The following ETV6 variants were observed in gnomAD, a reference collection of about 807,000 sequenced individuals.
ETV6 encodes the protein ETS variant transcription factor 6, also known as transcription factor ETV6.
ETV6 carries 16 observed loss-of-function variants against 51.1 expected under a neutral mutation model. That is an observed-to-expected ratio of 0.31 (90% CI 0.21 to 0.48). ETV6 has a LOEUF of 0.48. Among genes scored for constraint, ETV6 ranks in the 20% least tolerant of loss-of-function variants. ETV6 has a pLI of 0.99. For missense variants in ETV6, 458 were observed against 594.8 expected (o/e 0.77, Z 2.39); for synonymous variants, 240 against 224.1 (o/e 1.07, Z -0.64).
chr12:11,881,634 C>A lies in ETV6; in HGVS notation c.1010-2811C>A, dbSNP rs547053338. ...TAATCCCACTCACAGGGGTGGGGCC[C>A]CCAAGACCTAATCACCTCCCAAAGG... On this transcript the variant is annotated intron_variant, in intron 5 of 7. Transcript: ENST00000396373. Among the ~76,000 whole-genome samples the A allele has an allele frequency of 3.9e-4, 60 of 152,248 alleles. 1 individual carries two copies. The highest frequency in any genetic ancestry group is 1.4e-3 in the African/African-American group (57 of 41,536).
intron 1 of ETV6, among the ~76,000 whole-genome samples, chr12:11,692,996 C>T (rs1033832125): frequency 2.0e-5 from 3 of 152,170 alleles, no homozygotes; most frequent in African/African-American, 7.2e-5. Context: ...GCTGTGATTG[C>T]ACCACTGCAC....
intron 1 of ETV6, among the ~76,000 whole-genome samples, chr12:11,715,636 G>T (rs762717): frequency 0.45 from 68,801 of 152,170 alleles, 19,158 homozygotes; most frequent in Middle Eastern, 0.63. Context: ...CCCTGATGCT[G>T]CTGAGGAAGA....
chr12:11,838,033 C>T (rs1036943414), intron 2 of ETV6, among the ~76,000 whole-genome samples: 1 of 152,008 alleles, frequency 6.6e-6, no homozygotes, highest in Non-Finnish European at 1.5e-5. Context: ...TTTCCCAAAC[C>T]AAAAATAATT....
At chr12:11,821,159 C>T (rs1390521994) in intron 2 of ETV6, among the ~76,000 whole-genome samples, 2 of 150,952 alleles carry the variant, frequency 1.3e-5, no homozygotes, top group Admixed American at 1.3e-4. Flanking sequence ...TCAGGAGATC[C>T]AGACCATCCT....
chr12:11,702,733 C>T (rs1865007811), intron 1 of ETV6, among the ~76,000 whole-genome samples: 1 of 152,116 alleles, frequency 6.6e-6, no homozygotes, highest in African/African-American at 2.4e-5. Context: ...AAGACATAGT[C>T]GTTGTTCATA....
At chr12:11,751,427 T>TTAAA (rs762173554) in intron 1 of ETV6, 5 of 518,936 alleles carry the variant, frequency 9.6e-6, no homozygotes, top group African/African-American at 9.6e-5. Flanking sequence ...CATTGCCCAG[T>TTAAA]TAAACCACAG....
intron 1 of ETV6, among the ~76,000 whole-genome samples, chr12:11,749,242 T>A (rs1176051259): frequency 2.0e-5 from 3 of 150,950 alleles, no homozygotes; most frequent in African/African-American, 7.3e-5. Context: ...TTAATTTAAT[T>A]AGAGCAGCGG....
At chr12:11,846,421 G>A (rs1280693980) in intron 3 of ETV6, among the ~76,000 whole-genome samples, 2 of 152,182 alleles carry the variant, frequency 1.3e-5, no homozygotes, top group East Asian at 1.9e-4. Context: ...TGCTAAACTT[G>A]AGAAGTTAAA....
intron 2 of ETV6, among the ~76,000 whole-genome samples, chr12:11,765,542 T>C (rs1482286362): frequency 6.6e-6 from 1 of 152,142 alleles, no homozygotes; most frequent in African/African-American, 2.4e-5. Context: ...TAATGCCTCT[T>C]TGCTAAGAAG....
chr12:11,847,454 C>G (rs554730966), intron 3 of ETV6, among the ~76,000 whole-genome samples: 2 of 152,066 alleles, frequency 1.3e-5, no homozygotes, highest in East Asian at 1.9e-4. Flanking sequence ...TGAGGTTGCC[C>G]AAGAAGAAGG....
chr12:11,666,794 G>T (rs1183323062), intron 1 of ETV6, among the ~76,000 whole-genome samples: 3 of 152,318 alleles, frequency 2.0e-5, no homozygotes, highest in South Asian at 4.1e-4. Context: ...TTTCCTGACC[G>T]CCTGCTGGGG....
chr12:11,878,268 G>A (rs1468282938), intron 5 of ETV6, among the ~76,000 whole-genome samples: 3 of 152,136 alleles, frequency 2.0e-5, no homozygotes, highest in Admixed American at 1.3e-4. Flanking sequence ...GAAGTTTCAG[G>A]ACAATGTTTT....
intron 1 of ETV6, among the ~76,000 whole-genome samples, chr12:11,656,936 A>G (rs1283664130): frequency 6.6e-6 from 1 of 151,482 alleles, no homozygotes; most frequent in Non-Finnish European, 1.5e-5. Context: ...CCAGGAATCT[A>G]TTTCAGATAT....
intron 1 of ETV6, among the ~76,000 whole-genome samples, chr12:11,685,527 C>T (rs1483758920): frequency 2.0e-5 from 3 of 151,808 alleles, no homozygotes; most frequent in Admixed American, 6.6e-5. Flanking sequence ...TTTCTAATGA[C>T]TTTTTAATAC....
chr12:11,792,686 C>CAA (rs5796468), intron 2 of ETV6, among the ~76,000 whole-genome samples: 1,984 of 145,320 alleles, frequency 0.014, 37 homozygotes, highest in African/African-American at 0.042. Flanking sequence ...GATTCCATCT[C>CAA]AAAAAAAAAA....
chr12:11,663,214 C>T (rs61460161), intron 1 of ETV6, among the ~76,000 whole-genome samples: 4,411 of 152,228 alleles, frequency 0.029, 230 homozygotes, highest in African/African-American at 0.099. Context: ...AAAGTAGCTT[C>T]CTGGATTAGG....
At chr12:11,671,502 T>G (rs1864314946) in intron 1 of ETV6, among the ~76,000 whole-genome samples, 1 of 152,306 alleles carries the variant, frequency 6.6e-6, no homozygotes, top group East Asian at 1.9e-4. Flanking sequence ...GTTTCTAGTA[T>G]AAAGGAAAGA....
intron 1 of ETV6, among the ~76,000 whole-genome samples, chr12:11,708,461 G>A (rs1177438896): frequency 6.6e-6 from 1 of 152,180 alleles, no homozygotes; most frequent in African/African-American, 2.4e-5. Flanking sequence ...GAAACTTGGA[G>A]CTGAGGTGCC....
chr12:11,882,697 ACTTCATAAGTGAGG>A (rs1947117216), intron 5 of ETV6, among the ~76,000 whole-genome samples: 1 of 152,210 alleles, frequency 6.6e-6, no homozygotes, highest in African/African-American at 2.4e-5. Context: ...TGTTATTCCC[ACTTCATAAGTGAGG>A]CAACAGAACC....
Sources: gnomAD v4.1 joint callset for allele counts (sites outside exome capture counted in the v4.1 genomes callset) on GRCh38, gnomAD v4.1.1 for gene constraint, MANE v1.5 for transcripts, NCBI Gene and HGNC (gene_info 2026-07-23, HGNC 2026-07-21) for gene names.